Variants in PCDHA2 observed in about 807,000 individuals in gnomAD.
The protein encoded by PCDHA2 is protocadherin alpha-2.
A neutral mutation model predicts 66.0 loss-of-function variants in PCDHA2; 58 were observed. The observed-to-expected ratio is 0.88, with a 90% CI of 0.71 to 1.09. The LOEUF (loss-of-function observed/expected upper bound fraction) is 1.09, where lower values mean the gene tolerates loss of function less well. PCDHA2 is among the 50% of genes least tolerant of loss of function. The probability of loss-of-function intolerance (pLI) is 0.00; values close to 1 mark genes in which losing one functional copy is unlikely to be tolerated. For missense variants in PCDHA2, 1,267 were observed against 1,242.3 expected (o/e 1.02, Z -0.30); for synonymous variants, 634 against 554.0 (o/e 1.14, Z -2.03).
Position 140,796,731 on chromosome 5 carries a change from C to T in PCDHA2, c.1767C>T (p.His589=), listed in dbSNP as rs782740005. The T allele has an allele frequency of 1.4e-5, 23 of 1,614,064 alleles. No individual in the cohort carries two copies. The highest frequency in any genetic ancestry group is 1.0e-4 in the Admixed American group (6 of 60,018). ...TGCCGTGGTCGGTGGGTGCAGGGCA[C>T]GTGGTGGCGAAGGTGCGCGCAGTGG... is the stretch of plus-strand genomic sequence containing the variant. ...ELVPWSVGAG[H]VVAKVRAVDA... Residue 589 remains histidine, a synonymous_variant, in exon 1 of 4, where the codon CAC becomes CAT. Transcript: ENST00000526136.
intron 1 of PCDHA2, chr5:140,968,357 C>T: frequency 6.2e-7 from 1 of 1,614,080 alleles, no homozygotes; most frequent in Non-Finnish European, 8.5e-7. Context: ...CAGTGGCAGC[C>T]TTTATGCTGT....
chr5:140,950,237 A>C (rs1192417956), intron 1 of PCDHA2, among the ~76,000 whole-genome samples: 1 of 151,954 alleles, frequency 6.6e-6, no homozygotes, highest in African/African-American at 2.4e-5. Context: ...AGTGCCATTA[A>C]TTTGTTCCTA....
At chr5:140,807,239 C>G (rs782505608) in intron 1 of PCDHA2, 1 of 1,613,964 alleles carries the variant, frequency 6.2e-7, no homozygotes, top group African/African-American at 1.3e-5. Context: ...GCTGCTCTTA[C>G]TTCTTCTCCT....
chr5:140,840,692 G>C lies in PCDHA2; in HGVS notation c.2388+43340G>C, dbSNP rs181650579. 2.7e-4 allele frequency among the ~76,000 whole-genome samples: 41 copies of C among 152,042 alleles called. No homozygotes were observed. The East Asian group carries it at 2.9e-3, about 11-fold the overall frequency. On this transcript the variant is annotated intron_variant, in intron 1 of 3. Transcript: ENST00000526136. ...TTTTTATTACTTTAGTAAATAAAAC[G>C]GTTCAGGCAATTTGACATTTATTGA...
At chr5:140,863,267 C>A in intron 1 of PCDHA2, 4 of 1,457,908 alleles carry the variant, frequency 2.7e-6, no homozygotes, top group Non-Finnish European at 2.8e-6. Context: ...CGGGAGGCAG[C>A]GCTGGTGGAT....
At chr5:140,911,384 C>T (rs2075446155) in intron 1 of PCDHA2, among the ~76,000 whole-genome samples, 1 of 152,134 alleles carries the variant, frequency 6.6e-6, no homozygotes, top group Non-Finnish European at 1.5e-5. Flanking sequence ...TGTGCATGCA[C>T]CTTTCATTGC....
intron 1 of PCDHA2, chr5:140,876,094 C>A (rs782479233): frequency 3.1e-6 from 5 of 1,613,926 alleles, no homozygotes; most frequent in Non-Finnish European, 4.2e-6. Flanking sequence ...AACGCCAAAA[C>A]TCAATTTATT....
chr5:140,920,974 A>G (rs77459262), intron 1 of PCDHA2, among the ~76,000 whole-genome samples: 17,697 of 151,984 alleles, frequency 0.12, 1,149 homozygotes, highest in Middle Eastern at 0.19. Context: ...CTAGAGTATA[A>G]TATTGTATTT....
At chr5:140,805,119 C>A in intron 1 of PCDHA2, 1 of 1,586,624 alleles carries the variant, frequency 6.3e-7, no homozygotes, top group Non-Finnish European at 8.5e-7. Flanking sequence ...TAACAAGACT[C>A]TTGGCAAAGA....
chr5:140,834,900 A>C (rs1299634781), intron 1 of PCDHA2: 1 of 1,599,980 alleles, frequency 6.3e-7, no homozygotes, highest in Non-Finnish European at 8.5e-7. Flanking sequence ...TTACAGACTG[A>C]GCCCCAATGA....
At chr5:140,812,825 A>G (rs1312909388) in intron 1 of PCDHA2, 1 of 152,016 alleles carries the variant, frequency 6.6e-6, no homozygotes, top group Non-Finnish European at 1.5e-5. Flanking sequence ...TTGTGTTTTC[A>G]TTTTTGTTTA....
chr5:140,859,311 T>C (rs1441323923), intron 1 of PCDHA2: 1 of 128,808 alleles, frequency 7.8e-6, no homozygotes, highest in Non-Finnish European at 1.8e-5. Flanking sequence ...GAATTAATAT[T>C]AAAAGTTTGA....
At position 140,794,985 on chromosome 5, in the gene PCDHA2, G is replaced by A. The variant is rs782791166; in HGVS notation, c.21G>A (p.Arg7=). 2.2e-5 allele frequency: 35 copies of A among 1,612,296 alleles called. No homozygotes were observed. In the South Asian group the frequency reaches 3.3e-4, roughly 15 times the overall value. MASSIR[R]GRGAWTRLLS... Reference sequence around the variant, plus strand: ...TGGTAATGGCGTCTTCTATCAGAAGGGGCCGAGGGGCCTGGACACGGCTGC... The same window carrying A: ...TGGTAATGGCGTCTTCTATCAGAAGAGGCCGAGGGGCCTGGACACGGCTGC... Residue 7 remains arginine, a synonymous_variant, in exon 1 of 4, where the codon AGG becomes AGA. Transcript: ENST00000526136.
At chr5:140,896,430 T>C (rs543866183) in intron 1 of PCDHA2, among the ~76,000 whole-genome samples, 41 of 152,158 alleles carry the variant, frequency 2.7e-4, no homozygotes, top group Non-Finnish European at 4.4e-4. Context: ...CCATTCTGAC[T>C]GGTGTGACTG....
chr5:140,795,262 G>A lies in PCDHA2; in HGVS notation c.298G>A (p.Ala100Thr). 6.2e-7 allele frequency: 1 copy of A among 1,614,260 alleles called. No homozygotes were observed. Among genetic ancestry groups the A allele is most frequent in the Non-Finnish European group, 8.5e-7 (1 of 1,180,048 alleles). ...CCGGGAGGAGCTGTGCGGGCGGAGCGCGGAATGTAGCATCCACGTGGAGGT... is the reference window on the plus strand; with the variant it reads ...CCGGGAGGAGCTGTGCGGGCGGAGCACGGAATGTAGCATCCACGTGGAGGT... ...IDREELCGRSAECSIHVEVIV... is the reference protein window; with the variant it reads ...IDREELCGRSTECSIHVEVIV... Residue 100 changes from alanine (A) to threonine (T), a missense_variant, in exon 1 of 4, where the codon GCG (alanine) becomes ACG (threonine). Ala to Thr is a moderately conservative substitution (Grantham distance 58). Coordinates refer to ENST00000526136, the MANE Select transcript of PCDHA2 (RefSeq NM_018905.3).
In PCDHA2 at chr5:140,796,908, C is replaced by T. The variant is rs140366950; in HGVS notation, c.1944C>T (p.Leu648=). The T allele has an allele frequency of 1.2e-5, 19 of 1,613,920 alleles. No individual in the cohort carries two copies. The African/African-American group carries it at 1.9e-4, about 16-fold the overall frequency. The change falls in exon 1 of 4, where the codon CTC becomes CTT. Residue 648 remains leucine, a synonymous_variant. Coordinates refer to ENST00000526136, the MANE Select transcript of PCDHA2 (RefSeq NM_018905.3). ...DEADSPRHRL[L]VLVKDHGEPA... is the part of the protein sequence containing the mutation. ...CTGACTCCCCTCGACACCGCCTACT[C>T]GTGCTGGTGAAGGACCACGGCGAAC...
At chr5:140,841,682 G>C (rs2150320729) in intron 1 of PCDHA2, 34 of 1,613,844 alleles carry the variant, frequency 2.1e-5, no homozygotes, top group Non-Finnish European at 2.5e-6. Flanking sequence ...CCATGTGGAC[G>C]TGGAGGTGAA....
chr5:140,801,064 A>G (rs1554121269), intron 1 of PCDHA2: 2 of 1,459,182 alleles, frequency 1.4e-6, no homozygotes, highest in African/African-American at 1.4e-5. Flanking sequence ...TGCATTACGT[A>G]TTCAGATACT....
At chr5:140,993,621 A>G (rs531527051) in intron 3 of PCDHA2, among the ~76,000 whole-genome samples, 7 of 152,190 alleles carry the variant, frequency 4.6e-5, no homozygotes, top group African/African-American at 1.7e-4. Flanking sequence ...GGGACCCTCT[A>G]TATATAGTCG....
Sources: gnomAD v4.1 joint callset for allele counts (sites outside exome capture counted in the v4.1 genomes callset) on GRCh38, gnomAD v4.1.1 for gene constraint, MANE v1.5 for transcripts, NCBI Gene and HGNC (gene_info 2026-07-23, HGNC 2026-07-21) for gene names.